The following NDUFAF2 variants were observed in gnomAD, a reference collection of about 807,000 sequenced individuals.
NDUFAF2 encodes the protein NADH:ubiquinone oxidoreductase complex assembly factor 2.
In NDUFAF2, 13 loss-of-function variants were observed where a neutral mutation model predicts 22.8. The ratio of observed to expected loss-of-function variants is 0.57; its 90% CI spans 0.37 to 0.91. The LOEUF (loss-of-function observed/expected upper bound fraction) is 0.91. NDUFAF2 is among the 40% of genes least tolerant of loss of function. The probability of loss-of-function intolerance (pLI) is 0.01; values close to 1 mark genes in which losing one functional copy is unlikely to be tolerated. For missense variants in NDUFAF2, 162 were observed against 195.2 expected, an observed-to-expected ratio of 0.83 and a Z score of 1.01; for synonymous variants, 53 against 64.2, an observed-to-expected ratio of 0.83 and a Z score of 0.84.
intron 3 of NDUFAF2, chr5:61,115,657 C>T (rs772447264): frequency 1.3e-5 from 2 of 151,942 alleles, no homozygotes; most frequent in Non-Finnish European, 2.9e-5. Flanking sequence ...TCATAAAACA[C>T]CAGGCTTGTC....
intron 1 of NDUFAF2, 143 bp downstream of exon 1, chr5:60,945,525 CCT>C: frequency 8.2e-7 from 1 of 1,214,576 alleles, no homozygotes; most frequent in Non-Finnish European, 1.2e-6. Context: ...TTCGTTCTCC[CCT>C]GTCGACCCCT....
chr5:61,022,236 A>G (rs1751592323), intron 1 of NDUFAF2, among the ~76,000 whole-genome samples: 1 of 152,186 alleles, frequency 6.6e-6, no homozygotes, highest in African/African-American at 2.4e-5. Context: ...TGTTACTGTT[A>G]TTATCAATAT....
At chr5:61,075,072 T>G (rs1580123460) in intron 2 of NDUFAF2, among the ~76,000 whole-genome samples, 1 of 151,946 alleles carries the variant, frequency 6.6e-6, no homozygotes, top group African/African-American at 2.4e-5. Context: ...CAATTAGAAA[T>G]GAGATTTGAG....
intron 1 of NDUFAF2, among the ~76,000 whole-genome samples, chr5:61,028,796 A>G (rs1751688432): frequency 6.6e-6 from 1 of 152,168 alleles, no homozygotes; most frequent in Non-Finnish European, 1.5e-5. Context: ...AGACCTTAGC[A>G]GTTCACATTC....
intron 1 of NDUFAF2, among the ~76,000 whole-genome samples, chr5:60,995,394 C>A (rs1024898931): frequency 1.3e-5 from 2 of 152,192 alleles, no homozygotes; most frequent in Non-Finnish European, 2.9e-5. Flanking sequence ...TTAAGGGGCA[C>A]CCCAAGTTCA....
chr5:61,054,708 C>T (rs1752065515), intron 1 of NDUFAF2, among the ~76,000 whole-genome samples: 1 of 152,150 alleles, frequency 6.6e-6, no homozygotes, highest in Non-Finnish European at 1.5e-5. Context: ...TGCAAAATTC[C>T]CACAGGTAGG....
intron 1 of NDUFAF2, among the ~76,000 whole-genome samples, chr5:60,996,042 TG>T (rs1554078941): frequency 6.6e-6 from 1 of 152,130 alleles, no homozygotes; most frequent in Non-Finnish European, 1.5e-5. Context: ...TTCAGGACAG[TG>T]GGCTCCCCTC....
chr5:61,018,158 T>C (rs1258017152), intron 1 of NDUFAF2, among the ~76,000 whole-genome samples: 1 of 152,210 alleles, frequency 6.6e-6, no homozygotes, highest in African/African-American at 2.4e-5. Context: ...CTTGAGGTTA[T>C]TTATGCCTAT....
At chr5:61,087,122 G>A (rs1158142127) in intron 2 of NDUFAF2, among the ~76,000 whole-genome samples, 1 of 152,090 alleles carries the variant, frequency 6.6e-6, no homozygotes, top group African/African-American at 2.4e-5. Context: ...TGAGGGTGAG[G>A]CCTTAATGAT....
At chr5:61,110,165 G>A (rs1752820313) in intron 3 of NDUFAF2, among the ~76,000 whole-genome samples, 1 of 152,102 alleles carries the variant, frequency 6.6e-6, no homozygotes, top group African/African-American at 2.4e-5. Flanking sequence ...CATGATGAAT[G>A]ATCTTTTTAA....
intron 1 of NDUFAF2, among the ~76,000 whole-genome samples, chr5:61,060,507 A>C (rs1203867461): frequency 6.6e-6 from 1 of 152,168 alleles, no homozygotes; most frequent in Non-Finnish European, 1.5e-5. Flanking sequence ...ACCTGATTGT[A>C]CTGCTTGCTG....
chr5:61,137,794 A>T (rs190342527), intron 3 of NDUFAF2, among the ~76,000 whole-genome samples: 29 of 152,366 alleles, frequency 1.9e-4, no homozygotes, highest in Admixed American at 1.2e-3. Flanking sequence ...TTTATTAGGC[A>T]TCCTTATGAA....
chr5:61,135,961 C>T (rs1740923076), intron 3 of NDUFAF2, among the ~76,000 whole-genome samples: 1 of 141,604 alleles, frequency 7.1e-6, no homozygotes, highest in Non-Finnish European at 1.5e-5. Flanking sequence ...CAGTGTGGCA[C>T]TTCAACCTAG....
chr5:61,002,907 C>T (rs1450511034), intron 1 of NDUFAF2, among the ~76,000 whole-genome samples: 1 of 152,066 alleles, frequency 6.6e-6, no homozygotes, highest in Non-Finnish European at 1.5e-5. Flanking sequence ...ACTTTTTTCT[C>T]TTTTATTCCC....
At chr5:61,143,963 TGTGTGTG>T in intron 3 of NDUFAF2, among the ~76,000 whole-genome samples, 1 of 11,688 alleles carries the variant, frequency 8.6e-5, no homozygotes, top group Non-Finnish European at 2.0e-4. Flanking sequence ...CATATTTTTG[TGTGTGTG>T]TGTGTGTGTG....
intron 1 of NDUFAF2, among the ~76,000 whole-genome samples, chr5:60,981,163 A>T (rs1750972310): frequency 6.6e-6 from 1 of 152,318 alleles, no homozygotes; most frequent in Admixed American, 6.5e-5. Context: ...AAGGTCAAGG[A>T]TAAAGAAAGG....
intron 1 of NDUFAF2, among the ~76,000 whole-genome samples, chr5:60,999,747 A>G (rs1751273690): frequency 6.6e-6 from 1 of 152,108 alleles, no homozygotes; most frequent in Admixed American, 6.6e-5. Flanking sequence ...AACTAGTTAC[A>G]CTAGTTTGTA....
chr5:61,072,436 T>C (rs760828870), intron 1 of NDUFAF2, among the ~76,000 whole-genome samples: 2 of 152,172 alleles, frequency 1.3e-5, no homozygotes, highest in Non-Finnish European at 2.9e-5. Flanking sequence ...TCTTGGGTGA[T>C]TGCAGCAGCC....
chr5:61,118,769 A>C (rs1752943051), intron 3 of NDUFAF2, among the ~76,000 whole-genome samples: 1 of 152,204 alleles, frequency 6.6e-6, no homozygotes. Context: ...ATGTGCAAAA[A>C]ACGAAGAAAA....
Sources: allele counts gnomAD v4.1 joint callset (sites outside exome capture counted in the v4.1 genomes callset), GRCh38; gene constraint gnomAD v4.1.1; transcripts MANE v1.5; gene names NCBI Gene and HGNC (gene_info 2026-07-23, HGNC 2026-07-21).